Variants in PRKACA observed in about 807,000 individuals in gnomAD.
The protein encoded by PRKACA is cAMP-dependent protein kinase catalytic subunit alpha.
PRKACA carries 9 observed loss-of-function variants against 45.8 expected under a neutral mutation model. The observed-to-expected ratio is 0.20, with a 90% confidence interval of 0.12 to 0.34. The LOEUF is 0.34. Among genes scored for constraint, PRKACA ranks in the 10% least tolerant of loss-of-function variants. The probability of loss-of-function intolerance (pLI) is 1.00; values close to 1 mark genes in which losing one functional copy is unlikely to be tolerated. For missense variants in PRKACA, 238 were observed against 458.6 expected (o/e 0.52, Z 4.39); for synonymous variants, 160 against 178.6 (o/e 0.90, Z 0.83).
chr19:14,093,652 GTCAGTTGTGGCAA>G lies in PRKACA; in HGVS notation c.893_905del (p.Phe298SerfsTer88). Reference sequence around the variant, plus strand: ...CCTTCCTCTGGTAGATGGCAATCCAGTCAGTTGTGGCAAACCACTTGTGGTTCTTGATATCGTT... The same window carrying G: ...CCTTCCTCTGGTAGATGGCAATCCAGACCACTTGTGGTTCTTGATATCGTT... On this transcript the variant is annotated frameshift_variant, in exon 9 of 10. Transcript: ENST00000308677. LOFTEE classifies it high-confidence loss of function. 6.2e-7 allele frequency: 1 copy of G among 1,614,048 alleles called. No individual in the cohort carries two copies. Among genetic ancestry groups the G allele is most frequent in the Non-Finnish European group, 8.5e-7 (1 of 1,179,936 alleles).
chr19:14,097,426 C>T lies in PRKACA; in HGVS notation c.700G>A (p.Ala234Thr), dbSNP rs1977291758. ...TCTGCGAAGAAGGGCGGGTAGCCAGCGGCCATTTCATAGATAAGAACCCCC... is the reference window on the plus strand; with the variant it reads ...TCTGCGAAGAAGGGCGGGTAGCCAGTGGCCATTTCATAGATAAGAACCCCC... ...ALGVLIYEMA[A>T]GYPPFFADQP... Residue 234 changes from alanine (A) to threonine (T), a missense_variant, in exon 8 of 10, where the codon GCT becomes ACT. Ala to Thr is a moderately conservative substitution (Grantham distance 58). Around this residue, in one of 3 missense-constraint regions of PRKACA, gnomAD observed 94 missense variants for 240.9 expected, o/e 0.39. Coordinates refer to ENST00000308677, the MANE Select transcript of PRKACA (RefSeq NM_002730.4). The surrounding 1 kb of genome is among the most constrained non-coding windows in gnomAD (Gnocchi z 5.4). 4 of 1,614,054 alleles carry T rather than the reference C, an allele frequency of 2.5e-6. No individual in the cohort carries two copies. Among genetic ancestry groups the T allele is most frequent in the East Asian group, 2.2e-5 (1 of 44,878 alleles).
At chr19:14,099,317 C>T (rs986033135) in intron 5 of PRKACA, among the ~76,000 whole-genome samples, 1 of 151,940 alleles carries the variant, frequency 6.6e-6, no homozygotes, top group African/African-American at 2.4e-5. Context: ...AATAAAACTA[C>T]GTATGTAAAC....
At chr19:14,100,961 CTGA>C (rs991233432) in intron 4 of PRKACA, 53 bp from the exon 5 acceptor site, 24 of 1,535,988 alleles carry the variant, frequency 1.6e-5, no homozygotes, top group Non-Finnish European at 2.0e-5. Flanking sequence ...TGGACCCGAT[CTGA>C]AGGCCTTGGG....
intron 1 of PRKACA, 90 bp downstream of exon 1, chr19:14,117,412 G>A: frequency 8.4e-7 from 1 of 1,191,208 alleles, no homozygotes; most frequent in South Asian, 3.7e-5. Flanking sequence ...GAGGATGAGG[G>A]GCCCCGTAGG....
intron 3 of PRKACA, among the ~76,000 whole-genome samples, chr19:14,104,077 C>A (rs1977526593): frequency 6.6e-6 from 1 of 152,186 alleles, no homozygotes; most frequent in African/African-American, 2.4e-5. Context: ...GTGGCTCACG[C>A]CTGTAATCCC....
intron 1 of PRKACA, among the ~76,000 whole-genome samples, chr19:14,110,271 A>T (rs1324115410): frequency 6.6e-6 from 1 of 151,896 alleles, no homozygotes. Flanking sequence ...GTGAGCTATG[A>T]TCACACCACT....
chr19:14,106,328 T>C (rs1289761304), intron 3 of PRKACA, among the ~76,000 whole-genome samples: 1 of 151,976 alleles, frequency 6.6e-6, no homozygotes, highest in African/African-American at 2.4e-5. Flanking sequence ...ACTTTCCTGC[T>C]TGGGCAACAG....
chr19:14,116,024 G>A (rs1967098507), intron 1 of PRKACA, among the ~76,000 whole-genome samples: 1 of 152,068 alleles, frequency 6.6e-6, no homozygotes, highest in Admixed American at 6.6e-5. Flanking sequence ...TGATCGCTCT[G>A]TGACTCTGAG....
rs1977073536 is a variant in PRKACA, at chr19:14,091,762, C to CT, written c.*1349dup. 1 of 152,520 alleles carries CT rather than the reference C, an allele frequency of 6.6e-6. No homozygotes were observed. The highest frequency in any genetic ancestry group is 2.4e-5 in the African/African-American group (1 of 41,434). The allele number at this position is 152,520 out of a possible 1,614,324, so 9.4% of individuals were successfully genotyped here. On this transcript the variant is annotated 3_prime_UTR_variant, in exon 10 of 10. Transcript: ENST00000308677. ...AACAGCACACTGTTCAAGAGGAAGT[C>CT]TCGTCCTTCGCAGCACACAGGTTGA... is the stretch of plus-strand genomic sequence containing the variant.
chr19:14,114,182 G>C (rs200461298), intron 1 of PRKACA: 1 of 1,608,092 alleles, frequency 6.2e-7, no homozygotes, highest in Non-Finnish European at 8.5e-7. Context: ...CAGGGCACCG[G>C]CACTACGGTG....
chr19:14,116,692 G>A (rs1228351880), intron 1 of PRKACA, among the ~76,000 whole-genome samples: 4 of 152,078 alleles, frequency 2.6e-5, no homozygotes, highest in Admixed American at 2.0e-4. Context: ...CAGGAAAGAG[G>A]ATGCAATGAA....
chr19:14,097,256 C>A lies in PRKACA; in HGVS notation c.765+105G>T, dbSNP rs753070167. 1 of 1,569,712 alleles carries A rather than the reference C, an allele frequency of 6.4e-7. No homozygotes were observed. Among genetic ancestry groups the A allele is most frequent in the East Asian group, 2.3e-5 (1 of 44,320 alleles). On this transcript the variant is annotated intron_variant, in intron 8 of 9. Coordinates refer to ENST00000308677, the MANE Select transcript of PRKACA (RefSeq NM_002730.4). This position sits in a 1 kb window ranked among gnomAD's most constrained non-coding sequence, Gnocchi z 5.4. Reference sequence around the variant, plus strand: ...TCACCACCTGGCCTGACTTAAGGAACTTCTAGATTATTCTGACAACAAGCA... The same window carrying A: ...TCACCACCTGGCCTGACTTAAGGAAATTCTAGATTATTCTGACAACAAGCA...
intron 5 of PRKACA, among the ~76,000 whole-genome samples, chr19:14,099,395 T>C (rs1977374361): frequency 6.6e-6 from 1 of 151,502 alleles, no homozygotes; most frequent in Non-Finnish European, 1.5e-5. Flanking sequence ...TCTGACTGGG[T>C]TACAACCCAG....
At chr19:14,101,163 G>A in intron 4 of PRKACA, 1 of 443,716 alleles carries the variant, frequency 2.3e-6, no homozygotes, top group South Asian at 2.7e-5. Context: ...CTTGCTCTGG[G>A]AGCTTGAGTA....
intron 3 of PRKACA, 69 bp from the exon 4 acceptor site, chr19:14,102,983 T>A: frequency 4.8e-6 from 6 of 1,257,522 alleles, no homozygotes; most frequent in Non-Finnish European, 7.0e-6. Flanking sequence ...CCCTAATGCC[T>A]GGAACTAGGG....
intron 5 of PRKACA, among the ~76,000 whole-genome samples, chr19:14,099,057 C>CG (rs552897781): frequency 0.011 from 1,684 of 150,616 alleles, 22 homozygotes; most frequent in African/African-American, 0.026. Context: ...GAGGCCAAGG[C>CG]GGGGGGGGCG....
intron 1 of PRKACA, among the ~76,000 whole-genome samples, chr19:14,113,836 T>C (rs1159665753): frequency 6.6e-6 from 1 of 152,034 alleles, no homozygotes; most frequent in African/African-American, 2.4e-5. Flanking sequence ...AACACTGGGA[T>C]GGCTCATCCT....
At chr19:14,117,353 G>T in intron 1 of PRKACA, 149 bp downstream of exon 1, 1 of 996,088 alleles carries the variant, frequency 1.0e-6, no homozygotes, top group Non-Finnish European at 1.2e-6. Flanking sequence ...GGGCCCGCGG[G>T]CCCCAGCCTT....
rs1205809188 is a variant in PRKACA at position 14,100,807 on chromosome 19, T to TG, written c.419+18dup. 3.7e-6 allele frequency: 6 copies of TG among 1,612,938 alleles called. No homozygotes were observed. Among genetic ancestry groups the TG allele is most frequent in the Admixed American group, 1.7e-5 (1 of 60,004 alleles). On this transcript the variant is annotated intron_variant, in intron 5 of 9. Coordinates refer to ENST00000308677, the MANE Select transcript of PRKACA (RefSeq NM_002730.4). ...TGGACACCCTGACAGCCTGATGTGATGGGGGGTGGCCCGCTTACCTGAACC... is the reference window on the plus strand; with the variant it reads ...TGGACACCCTGACAGCCTGATGTGATGGGGGGGTGGCCCGCTTACCTGAACC...
Sources: allele counts gnomAD v4.1 joint callset (sites outside exome capture counted in the v4.1 genomes callset), GRCh38; gene constraint gnomAD v4.1.1; regional missense constraint gnomAD v4.1.1; non-coding constraint Gnocchi (gnomAD v3.1); transcripts MANE v1.5; gene names NCBI Gene and HGNC (gene_info 2026-07-23, HGNC 2026-07-21).